RALYL: variants seen among roughly 807,000 people sequenced by gnomAD.
RALYL encodes RALY RNA binding protein like, also known as RNA-binding Raly-like protein.
Under a neutral mutation model 35.1 loss-of-function variants are expected in RALYL, and 29 were observed. That is an observed-to-expected ratio of 0.83 (90% CI 0.61 to 1.13). The LOEUF is 1.13. Ranked by LOEUF, RALYL falls within the 50% of genes most tolerant of loss-of-function variation. RALYL has a pLI of 0.00. For missense variants in RALYL, 359 were observed against 360.4 expected (o/e 1.00, Z 0.03); for synonymous variants, 120 against 127.6 (o/e 0.94, Z 0.40).
chr8:84,552,336 G>A (rs2060783020), intron 2 of RALYL, among the ~76,000 whole-genome samples: 2 of 84,124 alleles, frequency 2.4e-5, no homozygotes, highest in Admixed American at 2.8e-4. Flanking sequence ...TAGGATGTGT[G>A]TGTATATATA....
In RALYL at chr8:84,529,299, G is replaced by A. The variant is rs267602018; in HGVS notation, c.-23G>A. Reference sequence around the variant, plus strand: ...TTGTTTGTTTGTTTGTTTGTTTAAGGATTAAAGCAAGGAGAGCCAATCATG... The same window carrying A: ...TTGTTTGTTTGTTTGTTTGTTTAAGAATTAAAGCAAGGAGAGCCAATCATG... On this transcript the variant is annotated splice_region_variant and 5_prime_UTR_variant, in exon 2 of 9. Transcript: ENST00000521268. The A allele has an allele frequency of 1.3e-6, 2 of 1,555,494 alleles. No homozygotes were observed. The highest frequency in any genetic ancestry group is 3.9e-5 in the Admixed American group (2 of 51,140).
At chr8:84,820,190 T>C (rs1032603658) in intron 4 of RALYL, among the ~76,000 whole-genome samples, 9 of 152,230 alleles carry the variant, frequency 5.9e-5, no homozygotes, top group Non-Finnish European at 1.0e-4. Flanking sequence ...CTGTACCCTC[T>C]GAACTCTTGG....
chr8:84,734,719 A>C (rs1377297963), intron 2 of RALYL, among the ~76,000 whole-genome samples: 1 of 152,082 alleles, frequency 6.6e-6, no homozygotes, highest in Non-Finnish European at 1.5e-5. Flanking sequence ...TTATCTATGA[A>C]ATAGGAAAAA....
intron 1 of RALYL, among the ~76,000 whole-genome samples, chr8:84,314,577 A>G (rs1843401089): frequency 6.6e-6 from 1 of 152,134 alleles, no homozygotes; most frequent in Admixed American, 6.5e-5. Context: ...ACATAAAAAA[A>G]TAGTTGAGCA....
intron 2 of RALYL, among the ~76,000 whole-genome samples, chr8:84,722,617 T>TTATATATATATATA (rs71823678): frequency 5.9e-4 from 57 of 97,348 alleles, no homozygotes; most frequent in African/African-American, 1.7e-3. Context: ...TAGAGTGATT[T>TTATATATATATATA]TATATATATA....
At chr8:84,638,757 G>A (rs1236801211) in intron 2 of RALYL, among the ~76,000 whole-genome samples, 3 of 150,514 alleles carry the variant, frequency 2.0e-5, no homozygotes, top group Admixed American at 6.6e-5. Context: ...CAGAATACCA[G>A]TTATATTGTA....
chr8:84,251,473 C>A (rs575881197), intron 1 of RALYL, among the ~76,000 whole-genome samples: 143 of 152,072 alleles, frequency 9.4e-4, no homozygotes, highest in Middle Eastern at 3.4e-3. Flanking sequence ...GCAGTGCAAA[C>A]TGTTATTTTT....
At position 84,910,186 on chromosome 8, in the gene RALYL, A is replaced by ACT. The variant is rs569674718; in HGVS notation, c.859-10707_859-10706insTC. Among the ~76,000 whole-genome samples the ACT allele has an allele frequency of 8.5e-5, 13 of 152,254 alleles. No homozygotes were observed. In the East Asian group the frequency reaches 2.5e-3, roughly 29 times the overall value. On this transcript the variant is annotated intron_variant, in intron 8 of 8. Transcript: ENST00000521268. ...TCATGACACTTGCAATTACAATCAA[A>ACT]CATGAAGCAGGATGGTGTATGAATT...
chr8:84,478,237 A>G (rs1238923287), intron 1 of RALYL, among the ~76,000 whole-genome samples: 1 of 152,132 alleles, frequency 6.6e-6, no homozygotes, highest in East Asian at 1.9e-4. Context: ...CCACCTATAT[A>G]TCTATTCAAA....
chr8:84,661,786 C>T (rs937962595), intron 2 of RALYL, among the ~76,000 whole-genome samples: 2 of 152,054 alleles, frequency 1.3e-5, no homozygotes, highest in Admixed American at 6.6e-5. Context: ...GATAAGGAAG[C>T]TCCACCTAAG....
intron 2 of RALYL, among the ~76,000 whole-genome samples, chr8:84,654,680 A>C (rs1829610044): frequency 6.6e-6 from 1 of 152,090 alleles, no homozygotes; most frequent in Non-Finnish European, 1.5e-5. Flanking sequence ...AGGACATACA[A>C]CATTTATCTT....
chr8:84,700,508 C>T (rs1839998657), intron 2 of RALYL, among the ~76,000 whole-genome samples: 1 of 152,030 alleles, frequency 6.6e-6, no homozygotes, highest in Non-Finnish European at 1.5e-5. Flanking sequence ...GCTTATTTCA[C>T]TTTTAGCAAC....
intron 1 of RALYL, among the ~76,000 whole-genome samples, chr8:84,219,090 G>A (rs35987566): frequency 6.6e-6 from 1 of 151,782 alleles, no homozygotes; most frequent in African/African-American, 2.4e-5. Context: ...AAAAAAATAC[G>A]TACAAGAAAA....
At chr8:84,557,846 G>A (rs2061235057) in intron 2 of RALYL, among the ~76,000 whole-genome samples, 1 of 151,972 alleles carries the variant, frequency 6.6e-6, no homozygotes, top group Admixed American at 6.6e-5. Context: ...CTGCCCAAAA[G>A]AAGATTTTGC....
At chr8:84,738,031 G>A (rs990210883) in intron 2 of RALYL, among the ~76,000 whole-genome samples, 6 of 151,986 alleles carry the variant, frequency 3.9e-5, no homozygotes, top group African/African-American at 9.7e-5. Context: ...GTGTGTGATC[G>A]AATTAGGTGT....
intron 1 of RALYL, among the ~76,000 whole-genome samples, chr8:84,447,781 A>G (rs2049011146): frequency 6.6e-6 from 1 of 152,026 alleles, no homozygotes; most frequent in Non-Finnish European, 1.5e-5. Context: ...TTATTTGGGT[A>G]TATTAGTGTG....
chr8:84,337,788 A>T (rs1848078527), intron 1 of RALYL, among the ~76,000 whole-genome samples: 1 of 152,058 alleles, frequency 6.6e-6, no homozygotes, highest in Non-Finnish European at 1.5e-5. Context: ...TACACCTTGT[A>T]AAAGCTGGTA....
At chr8:84,572,335 G>A (rs954160892) in intron 2 of RALYL, among the ~76,000 whole-genome samples, 1 of 151,650 alleles carries the variant, frequency 6.6e-6, no homozygotes. Flanking sequence ...TCCTGTCATA[G>A]TGTTGTTAGC....
chr8:84,490,553 A>C (rs1030440158), intron 1 of RALYL, among the ~76,000 whole-genome samples: 1 of 151,986 alleles, frequency 6.6e-6, no homozygotes, highest in Non-Finnish European at 1.5e-5. Flanking sequence ...GAATAGACAA[A>C]ACTGTTAATT....
Sources: allele counts gnomAD v4.1 joint callset (sites outside exome capture counted in the v4.1 genomes callset), GRCh38; gene constraint gnomAD v4.1.1; transcripts MANE v1.5; gene names NCBI Gene and HGNC (gene_info 2026-07-23, HGNC 2026-07-21).